The following ANTXR1 variants were observed in gnomAD, a reference collection of about 807,000 sequenced individuals.
ANTXR1 encodes the protein anthrax toxin receptor 1.
ANTXR1 carries 19 observed loss-of-function variants against 78.1 expected under a neutral mutation model. The observed-to-expected ratio is 0.24, with a 90% confidence interval of 0.17 to 0.36. ANTXR1 has a LOEUF of 0.36. Ranked by LOEUF, ANTXR1 falls within the 10% of genes least tolerant of loss-of-function variation. The probability of loss-of-function intolerance (pLI) is 1.00; values close to 1 mark genes in which losing one functional copy is unlikely to be tolerated. For synonymous variants in ANTXR1, 273 were observed against 260.5 expected (o/e 1.05, Z -0.46); for missense variants, 518 against 718.6 (o/e 0.72, Z 3.19).
chr2:69,098,805 G>A (rs889534404), intron 9 of ANTXR1, among the ~76,000 whole-genome samples: 1 of 152,122 alleles, frequency 6.6e-6, no homozygotes, highest in African/African-American at 2.4e-5. Flanking sequence ...GGCCAACAGG[G>A]TGAAACCCCG....
At chr2:69,121,408 T>C (rs568915333) in intron 10 of ANTXR1, among the ~76,000 whole-genome samples, 2 of 152,382 alleles carry the variant, frequency 1.3e-5, no homozygotes, top group East Asian at 3.9e-4. Context: ...GTTGAATGAA[T>C]GAATAAACAA....
chr2:69,035,309 A>G (rs897956288), intron 1 of ANTXR1, among the ~76,000 whole-genome samples: 9 of 152,164 alleles, frequency 5.9e-5, no homozygotes, highest in African/African-American at 2.2e-4. Context: ...AAATATAAGC[A>G]GTACCCCCAA....
Position 69,135,404 on chromosome 2 carries a change from A to G in ANTXR1, c.951+10761A>G, listed in dbSNP as rs530667098. On this transcript the variant is annotated intron_variant, in intron 12 of 17. Coordinates refer to ENST00000303714, the MANE Select transcript of ANTXR1 (RefSeq NM_032208.3). ...TAAATCAAAATAATCCACAAGCAAA[A>G]TAAATATAATGGACCAAACTCAGCA... 3.9e-5 allele frequency among the ~76,000 whole-genome samples: 6 copies of G among 152,318 alleles called. No individual in the cohort carries two copies. In the South Asian group the frequency reaches 1.2e-3, roughly 32 times the overall value.
chr2:69,176,067 A>C (rs1674112422), intron 14 of ANTXR1, among the ~76,000 whole-genome samples: 1 of 151,734 alleles, frequency 6.6e-6, no homozygotes. Context: ...TTAAATACAC[A>C]TACACAGACA....
At chr2:69,181,995 G>A (rs1300425205) in intron 15 of ANTXR1, 114 bp downstream of exon 15, 3 of 1,015,266 alleles carry the variant, frequency 3.0e-6, no homozygotes, top group Non-Finnish European at 4.6e-6. Context: ...GGGCAGTATG[G>A]CCGTAGACCA....
At chr2:69,103,029 A>T (rs560588752) in intron 10 of ANTXR1, 89 bp downstream of exon 10, 2 of 1,268,818 alleles carry the variant, frequency 1.6e-6, no homozygotes, top group Admixed American at 3.4e-5. Flanking sequence ...GGCCACACAC[A>T]TGAAACCAGC....
At position 69,172,444 on chromosome 2, in the gene ANTXR1, G is replaced by C. The variant is rs114921654; in HGVS notation, c.1089+2155G>C. 668 of 1,590,048 alleles carry C rather than the reference G, an allele frequency of 4.2e-4. 2 individuals are homozygous for C. The African/African-American group carries it at 8.3e-3, about 20-fold the overall frequency. On this transcript the variant is annotated intron_variant, in intron 14 of 17. Transcript: ENST00000303714. ...GATAACCTAACACAGCCCGTGCAAC[G>C]TATTTTATACAATGCTCTGAAAATC...
intron 17 of ANTXR1, among the ~76,000 whole-genome samples, chr2:69,222,954 G>A (rs1368206903): frequency 6.6e-6 from 1 of 152,094 alleles, no homozygotes; most frequent in African/African-American, 2.4e-5. Flanking sequence ...GAGGGGAGGT[G>A]GCATCCTTTT....
intron 3 of ANTXR1, among the ~76,000 whole-genome samples, chr2:69,069,775 T>A (rs1670511322): frequency 6.6e-6 from 1 of 152,180 alleles, no homozygotes; most frequent in Non-Finnish European, 1.5e-5. Flanking sequence ...TTAGATTTTT[T>A]CCTATCCAAA....
At chr2:69,058,299 C>T (rs1486253640) in intron 3 of ANTXR1, among the ~76,000 whole-genome samples, 1 of 152,158 alleles carries the variant, frequency 6.6e-6, no homozygotes, top group South Asian at 2.1e-4. Context: ...CAAAGCCTGG[C>T]TTCAAATCTT....
intron 10 of ANTXR1, among the ~76,000 whole-genome samples, chr2:69,119,591 C>A (rs993306976): frequency 1.3e-5 from 2 of 152,242 alleles, no homozygotes; most frequent in Non-Finnish European, 2.9e-5. Flanking sequence ...TTGCCTCTGG[C>A]TTGCGGTGCA....
At chr2:69,038,706 A>C (rs376850838) in intron 1 of ANTXR1, among the ~76,000 whole-genome samples, 1 of 152,236 alleles carries the variant, frequency 6.6e-6, no homozygotes, top group Non-Finnish European at 1.5e-5. Flanking sequence ...AAAGATGCCT[A>C]TGTACATTCT....
intron 3 of ANTXR1, among the ~76,000 whole-genome samples, chr2:69,064,490 T>C (rs1670335642): frequency 6.6e-6 from 1 of 152,178 alleles, no homozygotes; most frequent in Non-Finnish European, 1.5e-5. Context: ...GCAAGTTACA[T>C]GGCCACATGC....
intron 1 of ANTXR1, among the ~76,000 whole-genome samples, chr2:69,035,072 A>G (rs954518096): frequency 6.6e-6 from 1 of 152,122 alleles, no homozygotes; most frequent in African/African-American, 2.4e-5. Context: ...TACAAGGCCA[A>G]GTGCAGGTGA....
chr2:69,178,748 G>T (rs562991454), intron 14 of ANTXR1, among the ~76,000 whole-genome samples: 1 of 152,152 alleles, frequency 6.6e-6, no homozygotes, highest in Non-Finnish European at 1.5e-5. Flanking sequence ...AAAATATAGG[G>T]GGAGAAAAAC....
intron 17 of ANTXR1, among the ~76,000 whole-genome samples, chr2:69,197,039 C>A (rs1674681663): frequency 1.3e-5 from 2 of 152,334 alleles, no homozygotes; most frequent in South Asian, 4.1e-4. Context: ...ACCATCCAAG[C>A]CCCAGGTCAG....
intron 12 of ANTXR1, among the ~76,000 whole-genome samples, chr2:69,133,786 C>A (rs1045165603): frequency 5.9e-5 from 9 of 152,166 alleles, no homozygotes; most frequent in Admixed American, 3.3e-4. Context: ...CACTGACGCA[C>A]TTTGTTATTG....
chr2:69,111,080 A>C (rs1332552390), intron 10 of ANTXR1, among the ~76,000 whole-genome samples: 1 of 152,216 alleles, frequency 6.6e-6, no homozygotes, highest in Non-Finnish European at 1.5e-5. Context: ...AAGAACCCAC[A>C]AAATTGATTT....
chr2:69,205,591 CTTT>C (rs768055915), intron 17 of ANTXR1, among the ~76,000 whole-genome samples: 1 of 107,362 alleles, frequency 9.3e-6, no homozygotes, highest in African/African-American at 3.4e-5. Flanking sequence ...TGAACCATGG[CTTT>C]TTTTTTTTTT....
Sources: gnomAD v4.1 joint callset for allele counts (sites outside exome capture counted in the v4.1 genomes callset) on GRCh38, gnomAD v4.1.1 for gene constraint, MANE v1.5 for transcripts, NCBI Gene and HGNC (gene_info 2026-07-23, HGNC 2026-07-21) for gene names.